The following EHBP1 variants were observed in gnomAD, a reference collection of about 807,000 sequenced individuals.
EHBP1 encodes the protein EH domain binding protein 1, also known as EH domain-binding protein 1.
EHBP1 carries 55 observed loss-of-function variants against 144.0 expected under a neutral mutation model. The ratio of observed to expected loss-of-function variants is 0.38; its 90% CI spans 0.31 to 0.48. The LOEUF (loss-of-function observed/expected upper bound fraction) is 0.48. Among genes scored for constraint, EHBP1 ranks in the 20% least tolerant of loss-of-function variants. EHBP1 has a pLI of 0.98. For missense variants in EHBP1, 1,200 were observed against 1,364.2 expected (o/e 0.88, Z 1.90); for synonymous variants, 469 against 472.7 (o/e 0.99, Z 0.10).
intron 3 of EHBP1, among the ~76,000 whole-genome samples, chr2:62,750,623 T>C (rs2039600821): frequency 6.6e-6 from 1 of 152,238 alleles, no homozygotes; most frequent in African/African-American, 2.4e-5. Flanking sequence ...GAGCGTGGAA[T>C]GTTCTTGCAT....
intron 7 of EHBP1, 134 bp downstream of exon 7, chr2:62,831,292 T>C: frequency 1.2e-6 from 1 of 811,506 alleles, no homozygotes; most frequent in South Asian, 1.9e-5. Context: ...TACAATAAAA[T>C]ATACCATTTA....
intron 4 of EHBP1, among the ~76,000 whole-genome samples, chr2:62,769,556 A>T (rs1030055491): frequency 6.6e-6 from 1 of 152,192 alleles, no homozygotes; most frequent in African/African-American, 2.4e-5. Flanking sequence ...AATAGGAAAA[A>T]CAAATATCAT....
At chr2:62,879,017 CAA>C (rs796990216) in intron 10 of EHBP1, among the ~76,000 whole-genome samples, 2 of 72,264 alleles carry the variant, frequency 2.8e-5, no homozygotes, top group African/African-American at 5.3e-5. Context: ...GACGCTGTCT[CAA>C]AAAAAAAAAA....
At chr2:62,753,273 C>T (rs995202199) in intron 3 of EHBP1, among the ~76,000 whole-genome samples, 6 of 152,114 alleles carry the variant, frequency 3.9e-5, no homozygotes, top group Non-Finnish European at 8.8e-5. Flanking sequence ...CTTAGTTTGG[C>T]TGGATATGAA....
intron 2 of EHBP1, among the ~76,000 whole-genome samples, chr2:62,720,568 A>G (rs1186472955): frequency 6.6e-6 from 1 of 152,210 alleles, no homozygotes; most frequent in African/African-American, 2.4e-5. Flanking sequence ...GGATTTATTC[A>G]TGCAATAAGT....
intron 1 of EHBP1, among the ~76,000 whole-genome samples, chr2:62,678,864 A>G (rs866171421): frequency 8.5e-5 from 13 of 152,140 alleles, no homozygotes; most frequent in Admixed American, 2.0e-4. Context: ...TTTATAACCC[A>G]TTTCTTACTC....
chr2:62,695,500 G>T (rs145410663), intron 1 of EHBP1, among the ~76,000 whole-genome samples: 2 of 152,270 alleles, frequency 1.3e-5, no homozygotes, highest in African/African-American at 2.4e-5. Context: ...TGTATCAATG[G>T]GCAGAATAGA....
chr2:62,835,619 A>T (rs2047158469), intron 7 of EHBP1, among the ~76,000 whole-genome samples: 1 of 152,094 alleles, frequency 6.6e-6, no homozygotes, highest in African/African-American at 2.4e-5. Context: ...CAGTGGGCGC[A>T]GGCCAGTGGG....
intron 5 of EHBP1, among the ~76,000 whole-genome samples, chr2:62,778,049 GT>G (rs1409832708): frequency 1.3e-5 from 2 of 152,160 alleles, no homozygotes; most frequent in Admixed American, 6.5e-5. Context: ...GTGAAGATCA[GT>G]GGGGTATCAA....
At chr2:63,013,271 T>C (rs1001778994) in intron 19 of EHBP1, among the ~76,000 whole-genome samples, 1 of 152,182 alleles carries the variant, frequency 6.6e-6, no homozygotes, top group African/African-American at 2.4e-5. Flanking sequence ...TTATAAACAA[T>C]TGAAAATAAT....
intron 21 of EHBP1, among the ~76,000 whole-genome samples, chr2:63,043,680 G>C (rs1397213118): frequency 9.9e-5 from 15 of 152,006 alleles, no homozygotes; most frequent in Admixed American, 9.8e-4. Flanking sequence ...ATTTTGCTTT[G>C]GAGGGGGTCG....
At chr2:62,805,899 G>T (rs1415612367) in intron 5 of EHBP1, among the ~76,000 whole-genome samples, 2 of 152,230 alleles carry the variant, frequency 1.3e-5, no homozygotes, top group South Asian at 2.1e-4. Context: ...CTGTCTTTCA[G>T]TTGCTGCATT....
chr2:62,769,630 A>G (rs878975105), intron 4 of EHBP1, among the ~76,000 whole-genome samples: 2 of 152,150 alleles, frequency 1.3e-5, no homozygotes, highest in African/African-American at 4.8e-5. Flanking sequence ...ACCACCAATG[A>G]CATTCTTCAC....
intron 4 of EHBP1, among the ~76,000 whole-genome samples, chr2:62,770,877 A>G (rs2041606823): frequency 1.3e-5 from 2 of 152,316 alleles, no homozygotes; most frequent in South Asian, 4.1e-4. Context: ...GCTGGAGGCT[A>G]TTATCCTTCA....
intron 19 of EHBP1, among the ~76,000 whole-genome samples, chr2:63,028,027 T>G (rs767980453): frequency 2.0e-5 from 3 of 152,112 alleles, no homozygotes; most frequent in Non-Finnish European, 2.9e-5. Flanking sequence ...CCTCTGAAAG[T>G]GCTGGGATTA....
chr2:62,806,472 G>T (rs1255823403), intron 5 of EHBP1, among the ~76,000 whole-genome samples: 1 of 151,968 alleles, frequency 6.6e-6, no homozygotes, highest in Non-Finnish European at 1.5e-5. Flanking sequence ...GTGGGCTCAA[G>T]AAATCCTCCC....
intron 5 of EHBP1, among the ~76,000 whole-genome samples, chr2:62,799,235 A>G (rs528603981): frequency 2.0e-5 from 3 of 152,198 alleles, no homozygotes; most frequent in Non-Finnish European, 4.4e-5. Flanking sequence ...CCCTGTAACC[A>G]GGTACATTAT....
intron 7 of EHBP1, among the ~76,000 whole-genome samples, chr2:62,835,149 A>G (rs2047113324): frequency 6.6e-6 from 1 of 151,928 alleles, no homozygotes; most frequent in Non-Finnish European, 1.5e-5. Flanking sequence ...TTGTCACTTG[A>G]TTTTTAACCT....
chr2:63,039,360 A>G (rs182079263), intron 21 of EHBP1, among the ~76,000 whole-genome samples: 19 of 152,320 alleles, frequency 1.2e-4, no homozygotes, highest in South Asian at 2.1e-4. Context: ...ATTATATAGT[A>G]ATCCTATGCA....
Sources: gnomAD v4.1 joint callset for allele counts (sites outside exome capture counted in the v4.1 genomes callset) on GRCh38, gnomAD v4.1.1 for gene constraint, MANE v1.5 for transcripts, NCBI Gene and HGNC (gene_info 2026-07-23, HGNC 2026-07-21) for gene names.